The following RYR3 variants were observed in gnomAD, a reference collection of about 807,000 sequenced individuals.
The protein encoded by RYR3 is ryanodine receptor 3, also known as brain ryanodine receptor-calcium release channel.
RYR3 carries 207 observed loss-of-function variants against 584.3 expected under a neutral mutation model. The observed-to-expected ratio is 0.35, with a 90% CI of 0.32 to 0.40. RYR3 has a LOEUF of 0.40. RYR3 is among the 10% of genes least tolerant of loss of function. RYR3 has a pLI of 1.00. For synonymous variants in RYR3, 2,416 were observed against 2,248.5 expected (o/e 1.07, Z -2.11); for missense variants, 5,616 against 6,089.2 (o/e 0.92, Z 2.59).
At position 33,393,357 on chromosome 15, in the gene RYR3, C is replaced by A. The variant is rs918298830; in HGVS notation, c.52-80062C>A. 3.3e-5 allele frequency among the ~76,000 whole-genome samples: 5 copies of A among 152,172 alleles called. No individual in the cohort carries two copies. In the East Asian group the frequency reaches 7.7e-4, roughly 23 times the overall value. On this transcript the variant is annotated intron_variant, in intron 1 of 103. Transcript: ENST00000634891. ...TTTCCATACCTATTGACCCTCCTCC[C>A]CTCAGTGTAGTGGTTATATTTCTAT...
At chr15:33,320,807 G>T (rs1180250281) in intron 1 of RYR3, among the ~76,000 whole-genome samples, 1 of 152,164 alleles carries the variant, frequency 6.6e-6, no homozygotes, top group African/African-American at 2.4e-5. Flanking sequence ...ATTTATTATT[G>T]TCTCAACAAA....
chr15:33,790,273 G>T (rs1353943026), intron 67 of RYR3, among the ~76,000 whole-genome samples: 2 of 150,826 alleles, frequency 1.3e-5, no homozygotes, highest in Admixed American at 1.3e-4. Context: ...GATTACAGGC[G>T]TGAGCCACCT....
intron 1 of RYR3, among the ~76,000 whole-genome samples, chr15:33,464,463 GATATATATAT>G (rs569756898): frequency 0.13 from 10,128 of 79,244 alleles, 802 homozygotes; most frequent in Non-Finnish European, 0.15. Flanking sequence ...GGGAGGTGGA[GATATATATAT>G]ATATATATAT....
At chr15:33,641,781 T>C (rs1053003869) in intron 27 of RYR3, among the ~76,000 whole-genome samples, 4 of 152,226 alleles carry the variant, frequency 2.6e-5, no homozygotes, top group Non-Finnish European at 4.4e-5. Flanking sequence ...TCCATGACTT[T>C]TGTTACCCTG....
chr15:33,540,142 A>G (rs2055694339), intron 6 of RYR3, among the ~76,000 whole-genome samples: 1 of 152,194 alleles, frequency 6.6e-6, no homozygotes, highest in Non-Finnish European at 1.5e-5. Context: ...CAAGCGCTAT[A>G]TGCACATTAA....
At position 33,670,534 on chromosome 15, in the gene RYR3, G is replaced by T. The variant is rs757689158; in HGVS notation, c.5838G>T (p.Thr1946=). ...CCAAGCCAGAGAAGGAGCAGCCGAC[G>T]GAGGAGGAGGAGAGATGCCCCAGTA... The part of the protein sequence containing the change: ...GPPKPEKEQP[T]EEEERCPTTL... The change falls in exon 38 of 104, where the codon ACG becomes ACT. Residue 1946 remains threonine, a synonymous_variant. Coordinates refer to ENST00000634891, the MANE Select transcript of RYR3 (RefSeq NM_001036.6). The T allele has an allele frequency of 1.9e-6, 3 of 1,583,492 alleles. No homozygotes were observed. Among genetic ancestry groups the T allele is most frequent in the Non-Finnish European group, 2.6e-6 (3 of 1,168,932 alleles).
In RYR3 at chr15:33,553,781, C is replaced by A. The variant is rs561440748; in HGVS notation, c.972+3465C>A. Among the ~76,000 whole-genome samples the A allele has an allele frequency of 2.0e-5, 3 of 152,252 alleles. No individual in the cohort carries two copies. In the South Asian group the frequency reaches 6.2e-4, roughly 32 times the overall value. On this transcript the variant is annotated intron_variant, in intron 10 of 103. Transcript: ENST00000634891. ...GCCTGGCTTCAAAGTTAGCCTAGAT[C>A]GGGCCTTGATTCTCATCTGCTCTCT...
chr15:33,559,165 G>A (rs1168731857), intron 10 of RYR3, among the ~76,000 whole-genome samples: 1 of 152,182 alleles, frequency 6.6e-6, no homozygotes, highest in Non-Finnish European at 1.5e-5. Context: ...TGCATACCCA[G>A]ATGAGTCCTT....
rs1326031548 is a variant in RYR3 at position 33,649,241 on chromosome 15, G to A, written c.4142+6G>A. 6.2e-7 allele frequency: 1 copy of A among 1,609,054 alleles called. No homozygotes were observed. Among genetic ancestry groups the A allele is most frequent in the Non-Finnish European group, 8.5e-7 (1 of 1,177,916 alleles). On this transcript the variant is annotated splice_donor_region_variant and intron_variant, in intron 31 of 103. Coordinates refer to ENST00000634891, the MANE Select transcript of RYR3 (RefSeq NM_001036.6). ...AGAGGCCGGGTCCATGAAAGGTAAG[G>A]GGGCTCCCAAGTGGCAGGGTTAGCC...
intron 1 of RYR3, among the ~76,000 whole-genome samples, chr15:33,355,203 A>G (rs989450325): frequency 3.4e-5 from 5 of 145,356 alleles, no homozygotes; most frequent in African/African-American, 1.3e-4. Flanking sequence ...AAAAAAAATC[A>G]TGTATTAGTT....
At chr15:33,537,348 G>T (rs2055415212) in intron 5 of RYR3, among the ~76,000 whole-genome samples, 1 of 152,090 alleles carries the variant, frequency 6.6e-6, no homozygotes, top group Non-Finnish European at 1.5e-5. Context: ...GACAGGGTTG[G>T]TTTTTGTTTT....
At chr15:33,353,646 A>G (rs1412345662) in intron 1 of RYR3, among the ~76,000 whole-genome samples, 1 of 152,212 alleles carries the variant, frequency 6.6e-6, no homozygotes, top group Non-Finnish European at 1.5e-5. Flanking sequence ...CTACACTTTA[A>G]AATCAGGGGT....
At chr15:33,694,619 G>A (rs1291509753) in intron 38 of RYR3, among the ~76,000 whole-genome samples, 2 of 152,186 alleles carry the variant, frequency 1.3e-5, no homozygotes, top group Non-Finnish European at 2.9e-5. Context: ...GAATTAACCA[G>A]GAGATGCAGG....
intron 92 of RYR3, among the ~76,000 whole-genome samples, chr15:33,844,468 T>C (rs1429939160): frequency 2.0e-5 from 3 of 152,166 alleles, no homozygotes; most frequent in African/African-American, 7.2e-5. Context: ...ACTGAGTCTC[T>C]GGCTGGGTGG....
intron 18 of RYR3, among the ~76,000 whole-genome samples, chr15:33,609,970 G>A (rs553394885): frequency 6.6e-6 from 1 of 152,172 alleles, no homozygotes; most frequent in Non-Finnish European, 1.5e-5. Flanking sequence ...TTACCTATAG[G>A]TGCTTCAATG....
chr15:33,755,257 T>C, intron 58 of RYR3, 77 bp downstream of exon 58: 1 of 902,978 alleles, frequency 1.1e-6, no homozygotes, highest in Admixed American at 2.1e-5. Context: ...ACTGTAACTT[T>C]TTATGATTCA....
chr15:33,612,153 T>G (rs1305849521), intron 18 of RYR3, among the ~76,000 whole-genome samples: 3 of 152,172 alleles, frequency 2.0e-5, no homozygotes, highest in African/African-American at 7.2e-5. Context: ...AATATTTACT[T>G]TTAGAATTTC....
intron 1 of RYR3, among the ~76,000 whole-genome samples, chr15:33,423,858 T>A (rs2044414119): frequency 6.6e-6 from 1 of 152,218 alleles, no homozygotes; most frequent in Admixed American, 6.5e-5. Flanking sequence ...TATTTCCAAG[T>A]TAAGGCTTGT....
intron 16 of RYR3, among the ~76,000 whole-genome samples, chr15:33,595,253 T>C (rs1262664855): frequency 1.3e-5 from 2 of 152,214 alleles, no homozygotes; most frequent in African/African-American, 4.8e-5. Flanking sequence ...CTTAATTTTC[T>C]AAACAAGGAA....
Sources: gnomAD v4.1 joint callset for allele counts (sites outside exome capture counted in the v4.1 genomes callset) on GRCh38, gnomAD v4.1.1 for gene constraint, MANE v1.5 for transcripts, NCBI Gene and HGNC (gene_info 2026-07-23, HGNC 2026-07-21) for gene names.